Variants in HNRNPR observed in about 807,000 individuals in gnomAD.
The protein encoded by HNRNPR is heterogeneous nuclear ribonucleoprotein R.
Under a neutral mutation model 70.3 loss-of-function variants are expected in HNRNPR, and 4 were observed. That is an observed-to-expected ratio of 0.06 (90% CI 0.03 to 0.13). The LOEUF (loss-of-function observed/expected upper bound fraction) is 0.13, where lower values mean the gene tolerates loss of function less well. HNRNPR is among the 10% of genes least tolerant of loss of function. The probability of loss-of-function intolerance (pLI) is 1.00; values close to 1 mark genes in which losing one functional copy is unlikely to be tolerated. For missense variants in HNRNPR, 423 were observed against 788.5 expected (o/e 0.54, Z 5.55); for synonymous variants, 241 against 267.6 (o/e 0.90, Z 0.97).
chr1:23,323,643 A>T lies in HNRNPR; in HGVS notation c.588T>A (p.Leu196=), dbSNP rs1443289299. The part of the protein sequence containing the change: ...EKAGPIWDLR[L]MMDPLSGQNR... ...TCTGACCGGACAGTGGATCCATCATAAGACGTAGATCCCAAATGGGTCCGG... is the reference window on the plus strand; with the variant it reads ...TCTGACCGGACAGTGGATCCATCATTAGACGTAGATCCCAAATGGGTCCGG... The change falls in exon 6 of 11, where the codon CTT becomes CTA. Residue 196 remains leucine, a synonymous_variant. Coordinates refer to ENST00000302271, the MANE Select transcript of HNRNPR (RefSeq NM_005826.5). 2.5e-6 allele frequency: 4 copies of T among 1,614,026 alleles called. No homozygotes were observed. The highest frequency in any genetic ancestry group is 3.4e-6 in the Non-Finnish European group (4 of 1,179,890).
intron 1 of HNRNPR, among the ~76,000 whole-genome samples, 169 bp from the exon 2 acceptor site, chr1:23,341,186 C>A (rs1646692535): frequency 6.6e-6 from 1 of 152,072 alleles, no homozygotes. Context: ...CAATAATAAT[C>A]CTGTAAAACC....
chr1:23,342,635 G>T (rs1646745464), intron 1 of HNRNPR, among the ~76,000 whole-genome samples: 1 of 152,046 alleles, frequency 6.6e-6, no homozygotes, highest in Non-Finnish European at 1.5e-5. Context: ...ATCTCCTTGC[G>T]AACATAAGGT....
At chr1:23,338,388 A>G (rs1557938983) in intron 3 of HNRNPR, 102 bp downstream of exon 3, 1 of 518,712 alleles carries the variant, frequency 1.9e-6, no homozygotes, top group Non-Finnish European at 3.4e-6. Context: ...AAGAAGAGGT[A>G]GTCACAAACA....
rs1057291924 is a variant in HNRNPR at position 23,304,886 on chromosome 1, T to C, written c.*5568A>G. The stretch of plus-strand genomic sequence containing the variant: ...CAGCAATTTATGTTTGCAGGAGCCT[T>C]CAGTCCAATTATAGAAATAGTCTTA... On this transcript the variant is annotated 3_prime_UTR_variant, in exon 11 of 11. Coordinates refer to ENST00000302271, the MANE Select transcript of HNRNPR (RefSeq NM_005826.5). 2.0e-5 allele frequency: 3 copies of C among 152,204 alleles called. No homozygotes were observed. Among genetic ancestry groups the C allele is most frequent in the Admixed American group, 1.3e-4 (2 of 15,272 alleles). The allele number at this position is 152,204 out of a possible 1,614,324, so 9.4% of individuals were successfully genotyped here. A position where few individuals can be genotyped will look rare whatever the true frequency, so the allele number is the denominator to read the frequency against.
At chr1:23,311,354 G>A (rs759105830) in intron 9 of HNRNPR, 32 bp from the exon 10 acceptor site, 37 of 1,372,154 alleles carry the variant, frequency 2.7e-5, no homozygotes, top group Middle Eastern at 1.9e-4. Context: ...ATTTTACAAC[G>A]ATATAAAACT....
intron 7 of HNRNPR, among the ~76,000 whole-genome samples, chr1:23,320,790 TCA>T (rs917760917): frequency 6.6e-6 from 1 of 152,222 alleles, no homozygotes; most frequent in African/African-American, 2.4e-5. Context: ...TTAAATTGTT[TCA>T]GTTATATATA....
chr1:23,338,383 G>C (rs535884763), intron 3 of HNRNPR, 107 bp downstream of exon 3: 12 of 511,138 alleles, frequency 2.3e-5, no homozygotes, highest in Non-Finnish European at 4.2e-5. Flanking sequence ...TTTAAAAGAA[G>C]AGGTAGTCAC....
At chr1:23,335,261 G>A (rs1025697677) in intron 4 of HNRNPR, among the ~76,000 whole-genome samples, 25 of 152,192 alleles carry the variant, frequency 1.6e-4, no homozygotes, top group African/African-American at 5.5e-4. Flanking sequence ...AGAGACTTTA[G>A]ATATCATCAA....
Position 23,306,714 on chromosome 1 carries a change from TTCAAA to T in HNRNPR, c.*3735_*3739del, listed in dbSNP as rs1645207772. On this transcript the variant is annotated 3_prime_UTR_variant, in exon 11 of 11. Transcript: ENST00000302271. ...TCTAGAAGGATTAACAATAATTAAC[TTCAAA>T]TTAAATATTATTAAATTGCTGACCA... The T allele has an allele frequency of 6.6e-6, 1 of 152,198 alleles. No individual in the cohort carries two copies. Among genetic ancestry groups the T allele is most frequent in the Non-Finnish European group, 1.5e-5 (1 of 68,022 alleles). The allele number at this position is 152,198 out of a possible 1,614,324, so 9.4% of individuals were successfully genotyped here.
chr1:23,315,954 T>C (rs369776373), intron 8 of HNRNPR, among the ~76,000 whole-genome samples: 1 of 152,208 alleles, frequency 6.6e-6, no homozygotes, highest in Non-Finnish European at 1.5e-5. Context: ...AACGATAACA[T>C]ACTATGTGAA....
chr1:23,343,839 G>C (rs1286262523), intron 1 of HNRNPR, among the ~76,000 whole-genome samples: 1 of 152,126 alleles, frequency 6.6e-6, no homozygotes, highest in Non-Finnish European at 1.5e-5. Flanking sequence ...CGGCGGGAGC[G>C]AAGCGGCTCC....
At chr1:23,319,796 T>C (rs1164912346) in intron 7 of HNRNPR, among the ~76,000 whole-genome samples, 2 of 152,206 alleles carry the variant, frequency 1.3e-5, no homozygotes, top group South Asian at 2.1e-4. Context: ...CCTCCTCAGT[T>C]ACTGTAATAT....
rs191861050 is a variant in HNRNPR at position 23,336,956 on chromosome 1, C to T, written c.384+798G>A. On this transcript the variant is annotated intron_variant, in intron 4 of 10. Transcript: ENST00000302271. ...TATATAGTTCTTGCTACATTCCAGGCATTATTCTAAGTGCTTTATATATGT... is the reference window on the plus strand; with the variant it reads ...TATATAGTTCTTGCTACATTCCAGGTATTATTCTAAGTGCTTTATATATGT... 2.3e-3 allele frequency among the ~76,000 whole-genome samples: 353 copies of T among 152,180 alleles called. 3 individuals carry two copies. Among genetic ancestry groups the T allele is most frequent in the Middle Eastern group, 3.4e-3 (1 of 294 alleles).
chr1:23,331,894 C>G (rs1463292576), intron 5 of HNRNPR, among the ~76,000 whole-genome samples: 1 of 126,728 alleles, frequency 7.9e-6, no homozygotes, highest in Admixed American at 8.7e-5. Flanking sequence ...CTTTTCAGCA[C>G]ACAGTTTTCT....
At chr1:23,327,669 AAC>A (rs1646044576) in intron 5 of HNRNPR, among the ~76,000 whole-genome samples, 1 of 152,108 alleles carries the variant, frequency 6.6e-6, no homozygotes, top group Middle Eastern at 3.4e-3. Context: ...CAGCCTATGC[AAC>A]AGAGTGAGAC....
intron 8 of HNRNPR, among the ~76,000 whole-genome samples, chr1:23,316,734 T>C (rs986283633): frequency 3.9e-5 from 6 of 152,174 alleles, no homozygotes; most frequent in African/African-American, 1.4e-4. Flanking sequence ...TTCAGTAGTT[T>C]ACCCAAAGTC....
intron 5 of HNRNPR, among the ~76,000 whole-genome samples, chr1:23,330,303 G>A (rs575227947): frequency 6.6e-5 from 10 of 151,978 alleles, no homozygotes; most frequent in Non-Finnish European, 1.2e-4. Context: ...TTGGGAGGCC[G>A]AGGCGGGTGG....
intron 5 of HNRNPR, among the ~76,000 whole-genome samples, 156 bp from the exon 6 acceptor site, chr1:23,323,888 C>T (rs558477584): frequency 6.6e-6 from 1 of 152,074 alleles, no homozygotes; most frequent in South Asian, 2.1e-4. Context: ...AGAGCTAATC[C>T]TAATTTTTAT....
intron 6 of HNRNPR, among the ~76,000 whole-genome samples, chr1:23,322,143 T>C (rs1427072609): frequency 2.6e-5 from 4 of 152,176 alleles, no homozygotes; most frequent in African/African-American, 7.2e-5. Flanking sequence ...TAGTTTTAAA[T>C]TGTCTACCAA....
Sources: gnomAD v4.1 joint callset for allele counts (sites outside exome capture counted in the v4.1 genomes callset) on GRCh38, gnomAD v4.1.1 for gene constraint, MANE v1.5 for transcripts, NCBI Gene and HGNC (gene_info 2026-07-23, HGNC 2026-07-21) for gene names.